Variants in CLSTN2 observed in about 807,000 individuals in gnomAD.
The protein encoded by CLSTN2 is calsyntenin 2, also known as calsyntenin-2.
CLSTN2 carries 48 observed loss-of-function variants against 101.2 expected under a neutral mutation model. The observed-to-expected ratio is 0.47, with a 90% CI of 0.38 to 0.60. CLSTN2 has a LOEUF of 0.60. Ranked by LOEUF, CLSTN2 falls within the 20% of genes least tolerant of loss-of-function variation. CLSTN2 has a pLI of 0.00. For synonymous variants in CLSTN2, 481 were observed against 463.6 expected, an observed-to-expected ratio of 1.04 and a Z score of -0.48; for missense variants, 1,160 against 1,238.2, an observed-to-expected ratio of 0.94 and a Z score of 0.95.
rs569394846 is a variant in CLSTN2, at chr3:140,386,560, G to A, written c.233-17069G>A. Among the ~76,000 whole-genome samples the A allele has an allele frequency of 7.2e-5, 11 of 152,296 alleles. No individual in the cohort carries two copies. In the East Asian group the frequency reaches 2.1e-3, roughly 29 times the overall value. On this transcript the variant is annotated intron_variant, in intron 2 of 16. Transcript: ENST00000458420. Reference sequence around the variant, plus strand: ...CTTGAGCTGGTCGCTCCCACACACAGCTGTGCAGCCAGCTCTCCCCTGCCT... The same window carrying A: ...CTTGAGCTGGTCGCTCCCACACACAACTGTGCAGCCAGCTCTCCCCTGCCT...
chr3:139,981,036 T>C (rs945471583), intron 1 of CLSTN2, among the ~76,000 whole-genome samples: 2 of 151,990 alleles, frequency 1.3e-5, no homozygotes, highest in African/African-American at 4.8e-5. Context: ...TTCCCTGCAG[T>C]TGGAATTTTA....
intron 2 of CLSTN2, among the ~76,000 whole-genome samples, chr3:140,318,442 G>A (rs1445807426): frequency 6.6e-6 from 1 of 152,188 alleles, no homozygotes; most frequent in East Asian, 1.9e-4. Flanking sequence ...AGGATGCTGG[G>A]TTTATGCAGA....
intron 2 of CLSTN2, among the ~76,000 whole-genome samples, chr3:140,295,814 G>A (rs560081759): frequency 4.9e-4 from 74 of 152,250 alleles, no homozygotes; most frequent in African/African-American, 1.7e-3. Context: ...AAATGTATCA[G>A]TAAAGTCCTA....
intron 1 of CLSTN2, among the ~76,000 whole-genome samples, chr3:140,050,975 A>G (rs2007978624): frequency 6.6e-6 from 1 of 152,226 alleles, no homozygotes; most frequent in Admixed American, 6.5e-5. Flanking sequence ...AAAGAAACAC[A>G]GCTTTTGAAC....
chr3:140,457,912 C>T (rs1933445058), intron 6 of CLSTN2, among the ~76,000 whole-genome samples: 1 of 152,182 alleles, frequency 6.6e-6, no homozygotes, highest in Non-Finnish European at 1.5e-5. Context: ...TAATCTCTAC[C>T]TTCACAGACA....
intron 1 of CLSTN2, among the ~76,000 whole-genome samples, chr3:139,994,750 G>T (rs1175989886): frequency 6.6e-6 from 1 of 152,136 alleles, no homozygotes. Context: ...ATGGATTGGA[G>T]GAACTGAGTA....
At chr3:140,267,126 C>T (rs573454895) in intron 2 of CLSTN2, among the ~76,000 whole-genome samples, 18 of 152,152 alleles carry the variant, frequency 1.2e-4, no homozygotes, top group African/African-American at 4.3e-4. Context: ...ATGTTCCTCC[C>T]AGGTTCCCAG....
intron 2 of CLSTN2, among the ~76,000 whole-genome samples, chr3:140,386,437 C>CAG (rs1425887340): frequency 6.6e-6 from 1 of 152,146 alleles, no homozygotes; most frequent in Non-Finnish European, 1.5e-5. Flanking sequence ...GGGCTGTAAG[C>CAG]AGATGAAATG....
At chr3:140,236,440 T>A (rs2086417225) in intron 2 of CLSTN2, among the ~76,000 whole-genome samples, 2 of 152,196 alleles carry the variant, frequency 1.3e-5, no homozygotes, top group African/African-American at 4.8e-5. Flanking sequence ...TTCAGCAAGT[T>A]GATTTTGATG....
At chr3:140,468,587 G>C (rs531604250) in intron 8 of CLSTN2, among the ~76,000 whole-genome samples, 1 of 152,154 alleles carries the variant, frequency 6.6e-6, no homozygotes. Flanking sequence ...CAGGATGCAC[G>C]TGGGAAATTA....
intron 1 of CLSTN2, among the ~76,000 whole-genome samples, chr3:140,148,448 C>T (rs540788760): frequency 6.6e-6 from 1 of 152,328 alleles, no homozygotes; most frequent in South Asian, 2.1e-4. Flanking sequence ...GACAGCCCAG[C>T]CTGGCATATT....
chr3:140,126,567 A>G (rs2009434384), intron 1 of CLSTN2, among the ~76,000 whole-genome samples: 1 of 152,178 alleles, frequency 6.6e-6, no homozygotes, highest in South Asian at 2.1e-4. Context: ...GATATTCTCC[A>G]AATTCCAAAG....
chr3:140,062,311 T>C (rs1415061576), intron 1 of CLSTN2, among the ~76,000 whole-genome samples: 3 of 152,224 alleles, frequency 2.0e-5, no homozygotes, highest in Admixed American at 1.3e-4. Flanking sequence ...ATACTCCACA[T>C]TGAGGGGTCC....
intron 7 of CLSTN2, among the ~76,000 whole-genome samples, chr3:140,465,741 TTCTC>T (rs1933682526): frequency 6.6e-6 from 1 of 152,180 alleles, no homozygotes; most frequent in East Asian, 1.9e-4. Context: ...GGTGAAATGA[TTCTC>T]TCAACATCAC....
Position 140,564,098 on chromosome 3 carries a change from A to G in CLSTN2, c.2620A>G (p.Met874Val). The G allele has an allele frequency of 6.2e-7, 1 of 1,614,110 alleles. No homozygotes were observed. The highest frequency in any genetic ancestry group is 8.5e-7 in the Non-Finnish European group (1 of 1,179,994). ...QETEAAKESE[M>V]DWDDSALTIT... ...GACTGAGGCTGCCAAGGAATCTGAG[A>G]TGGACTGGGACGATTCTGCGCTGAC... Residue 874 changes from methionine (M) to valine (V), a missense_variant, in exon 16 of 17, where the codon ATG becomes GTG. By Grantham distance (21) the Met-to-Val change is conservative. Coordinates refer to ENST00000458420, the MANE Select transcript of CLSTN2 (RefSeq NM_022131.3).
intron 6 of CLSTN2, among the ~76,000 whole-genome samples, chr3:140,456,075 C>A (rs1169901005): frequency 6.6e-6 from 1 of 152,142 alleles, no homozygotes; most frequent in African/African-American, 2.4e-5. Context: ...ATATGATTGG[C>A]CCCCTGAACA....
intron 1 of CLSTN2, among the ~76,000 whole-genome samples, chr3:139,950,106 G>A (rs1341376503): frequency 6.6e-6 from 1 of 152,182 alleles, no homozygotes; most frequent in African/African-American, 2.4e-5. Context: ...TTTCCAGGTT[G>A]TGTATGTAGT....
chr3:140,220,890 G>A (rs762802664), intron 2 of CLSTN2, among the ~76,000 whole-genome samples: 6 of 152,170 alleles, frequency 3.9e-5, no homozygotes, highest in Non-Finnish European at 8.8e-5. Flanking sequence ...CCTACACTGT[G>A]TCCTGGGCTT....
chr3:140,107,441 T>G (rs575296098), intron 1 of CLSTN2, among the ~76,000 whole-genome samples: 34 of 152,104 alleles, frequency 2.2e-4, no homozygotes, highest in Admixed American at 9.2e-4. Flanking sequence ...CAGAAAAGAG[T>G]CTTGCAGGGT....
Sources: gnomAD v4.1 joint callset for allele counts (sites outside exome capture counted in the v4.1 genomes callset) on GRCh38, gnomAD v4.1.1 for gene constraint, MANE v1.5 for transcripts, NCBI Gene and HGNC (gene_info 2026-07-23, HGNC 2026-07-21) for gene names.